NME7: variants seen among roughly 807,000 people sequenced by gnomAD.
NME7 encodes the protein NME/NM23 family member 7.
NME7 carries 41 observed loss-of-function variants against 49.1 expected under a neutral mutation model. The ratio of observed to expected loss-of-function variants is 0.83; its 90% CI spans 0.65 to 1.08. The LOEUF (loss-of-function observed/expected upper bound fraction) is 1.08, where lower values mean the gene tolerates loss of function less well. NME7 is among the 50% of genes least tolerant of loss of function. The pLI, the probability that NME7 is intolerant of heterozygous loss-of-function variation, is 0.00. For synonymous variants in NME7, 139 were observed against 150.6 expected (o/e 0.92, Z 0.56); for missense variants, 423 against 463.4 (o/e 0.91, Z 0.80).
chr1:169,135,647 C>T (rs1011431199), intron 11 of NME7, among the ~76,000 whole-genome samples: 1 of 152,172 alleles, frequency 6.6e-6, no homozygotes, highest in Non-Finnish European at 1.5e-5. Flanking sequence ...GGGCTCTACA[C>T]TGAGAAAGAT....
chr1:169,133,909 A>G (rs1175391022), intron 11 of NME7, among the ~76,000 whole-genome samples: 7 of 152,088 alleles, frequency 4.6e-5, no homozygotes, highest in Non-Finnish European at 1.0e-4. Flanking sequence ...ACTGGAGGGT[A>G]TTTTGCATTT....
At chr1:169,162,046 A>G (rs1659263360) in intron 11 of NME7, among the ~76,000 whole-genome samples, 1 of 152,198 alleles carries the variant, frequency 6.6e-6, no homozygotes, top group Admixed American at 6.6e-5. Context: ...GGCCCCACCC[A>G]GAGGTAGACT....
At chr1:169,213,529 G>T (rs1026227633) in intron 10 of NME7, among the ~76,000 whole-genome samples, 1 of 151,968 alleles carries the variant, frequency 6.6e-6, no homozygotes, top group Non-Finnish European at 1.5e-5. Context: ...GATCAATAAG[G>T]CTGAACATAT....
At chr1:169,255,311 T>C (rs200249766) in intron 7 of NME7, among the ~76,000 whole-genome samples, 1,967 of 124,970 alleles carry the variant, frequency 0.016, 21 homozygotes, top group Admixed American at 0.082. Flanking sequence ...CCTTTACCAT[T>C]ATGTAATGGC....
intron 10 of NME7, among the ~76,000 whole-genome samples, chr1:169,210,817 C>G (rs1390012230): frequency 6.6e-6 from 1 of 152,120 alleles, no homozygotes; most frequent in Admixed American, 6.6e-5. Context: ...CAATTATCAG[C>G]TACCCTGCCC....
intron 11 of NME7, among the ~76,000 whole-genome samples, chr1:169,158,747 G>A (rs1659156918): frequency 1.3e-5 from 2 of 152,124 alleles, no homozygotes; most frequent in Non-Finnish European, 1.5e-5. Context: ...TCAAATCCCC[G>A]AGTTGCTAAG....
chr1:169,162,711 A>C (rs1304552817), intron 11 of NME7, among the ~76,000 whole-genome samples: 1 of 152,104 alleles, frequency 6.6e-6, no homozygotes, highest in East Asian at 1.9e-4. Context: ...ATGGTCACAC[A>C]GCCTATAGTC....
At chr1:169,220,791 C>T (rs1433940405) in intron 10 of NME7, among the ~76,000 whole-genome samples, 1 of 152,078 alleles carries the variant, frequency 6.6e-6, no homozygotes, top group Non-Finnish European at 1.5e-5. Context: ...CTAAAGTTAA[C>T]AAAATGCTTA....
chr1:169,143,422 C>T (rs1299423104), intron 11 of NME7, among the ~76,000 whole-genome samples: 1 of 152,136 alleles, frequency 6.6e-6, no homozygotes, highest in Non-Finnish European at 1.5e-5. Flanking sequence ...TTTCAGGCCT[C>T]AGTTCAAATG....
At chr1:169,191,948 A>C (rs1384277680) in intron 10 of NME7, among the ~76,000 whole-genome samples, 2 of 152,152 alleles carry the variant, frequency 1.3e-5, no homozygotes, top group African/African-American at 4.8e-5. Flanking sequence ...TAAATGTAGA[A>C]TCTCAGGCCC....
chr1:169,162,950 C>T (rs1659293620), intron 11 of NME7, among the ~76,000 whole-genome samples: 1 of 152,170 alleles, frequency 6.6e-6, no homozygotes, highest in Admixed American at 6.6e-5. Flanking sequence ...CATTCAGCAA[C>T]ATTGAGGTTC....
chr1:169,347,458 TGATTTGAAGGTA>T (rs1252981914), intron 1 of NME7, among the ~76,000 whole-genome samples: 7 of 152,158 alleles, frequency 4.6e-5, no homozygotes, highest in African/African-American at 1.7e-4. Flanking sequence ...AAAGCCAGTA[TGATTTGAAGGTA>T]GAGTATGAGG....
chr1:169,268,516 T>C (rs1391500366), intron 7 of NME7, among the ~76,000 whole-genome samples: 3 of 133,162 alleles, frequency 2.3e-5, no homozygotes, highest in African/African-American at 7.6e-5. Flanking sequence ...TTCACAATAG[T>C]AAAGACATAA....
chr1:169,330,628 G>A (rs1046255049), intron 1 of NME7, among the ~76,000 whole-genome samples: 15 of 151,814 alleles, frequency 9.9e-5, no homozygotes, highest in African/African-American at 2.4e-4. Flanking sequence ...GCAGGGAGCC[G>A]AGATCGCACC....
At chr1:169,187,366 T>C (rs182335907) in intron 10 of NME7, among the ~76,000 whole-genome samples, 2 of 152,254 alleles carry the variant, frequency 1.3e-5, no homozygotes, top group Admixed American at 6.5e-5. Context: ...CCCACTATTA[T>C]TGTGTGGGAG....
intron 6 of NME7, 99 bp from the exon 7 acceptor site, chr1:169,287,507 G>A (rs1650324855): frequency 1.2e-6 from 1 of 851,398 alleles, no homozygotes; most frequent in Non-Finnish European, 1.8e-6. Context: ...TACTTTTAGA[G>A]TTTCATCATA....
chr1:169,302,665 G>C (rs151236400), intron 5 of NME7, among the ~76,000 whole-genome samples: 1 of 152,090 alleles, frequency 6.6e-6, no homozygotes, highest in East Asian at 1.9e-4. Context: ...TGGGTATTAC[G>C]CTCAGTACCT....
chr1:169,349,689 T>C (rs1373395971), intron 1 of NME7, among the ~76,000 whole-genome samples: 1 of 152,162 alleles, frequency 6.6e-6, no homozygotes, highest in Non-Finnish European at 1.5e-5. Flanking sequence ...CCTCTTTTTT[T>C]AAAACCCTGG....
chr1:169,367,754 G>A lies in NME7; in HGVS notation c.-44C>T, dbSNP rs781725684. On this transcript the variant is annotated 5_prime_UTR_variant, in exon 1 of 12. Transcript: ENST00000367811. ...CTAGAAAATAGGTATCGTTGAGACA[G>A]GAAGACACCACCACCACCACCATCA... The A allele has an allele frequency of 3.7e-6, 6 of 1,612,936 alleles. No individual in the cohort carries two copies. The highest frequency in any genetic ancestry group is 2.7e-5 in the African/African-American group (2 of 74,908).
Sources: allele counts gnomAD v4.1 joint callset (sites outside exome capture counted in the v4.1 genomes callset), GRCh38; gene constraint gnomAD v4.1.1; transcripts MANE v1.5; gene names NCBI Gene and HGNC (gene_info 2026-07-23, HGNC 2026-07-21).